TRIM66: variants seen among roughly 807,000 people sequenced by gnomAD.
TRIM66 encodes the protein tripartite motif-containing protein 66.
In TRIM66, 99 loss-of-function variants were observed where a neutral mutation model predicts 148.2. The ratio of observed to expected loss-of-function variants is 0.67; its 90% CI spans 0.57 to 0.79. The LOEUF (loss-of-function observed/expected upper bound fraction) is 0.79, where lower values mean the gene tolerates loss of function less well. TRIM66 is among the 30% of genes least tolerant of loss of function. The pLI is 0.00. For synonymous variants in TRIM66, 616 were observed against 635.9 expected, an observed-to-expected ratio of 0.97 and a Z score of 0.47; for missense variants, 1,666 against 1,697.9, an observed-to-expected ratio of 0.98 and a Z score of 0.33.
At chr11:8,658,931 C>T in intron 6 of TRIM66, 6 of 424,888 alleles carry the variant, frequency 1.4e-5, no homozygotes, top group Non-Finnish European at 1.9e-5. Flanking sequence ...CCGTCACAAG[C>T]AGAGGATTAG....
At chr11:8,659,864 T>C (rs1050546785) in intron 6 of TRIM66, among the ~76,000 whole-genome samples, 3 of 152,218 alleles carry the variant, frequency 2.0e-5, no homozygotes, top group Middle Eastern at 3.4e-3. Context: ...CTGAATTTGT[T>C]TTTTTCTTGT....
intron 16 of TRIM66, 63 bp from the exon 17 acceptor site, chr11:8,624,614 C>A: frequency 6.7e-7 from 1 of 1,488,050 alleles, no homozygotes; most frequent in African/African-American, 1.4e-5. Flanking sequence ...TTAGTGGTCT[C>A]AGAACTGTTA....
chr11:8,666,822 T>C (rs989975945), intron 6 of TRIM66, among the ~76,000 whole-genome samples: 1 of 152,192 alleles, frequency 6.6e-6, no homozygotes, highest in Non-Finnish European at 1.5e-5. Flanking sequence ...GTCATACATA[T>C]AGACAGAGAT....
chr11:8,656,261 TTAATA>T (rs996545640), intron 6 of TRIM66, among the ~76,000 whole-genome samples: 2 of 152,250 alleles, frequency 1.3e-5, no homozygotes, highest in African/African-American at 4.8e-5. Flanking sequence ...TTAACAATAT[TTAATA>T]TTAGTTTAGT....
chr11:8,679,475 C>G (rs532099228), intron 3 of TRIM66, 145 bp downstream of exon 3: 1 of 152,752 alleles, frequency 6.5e-6, no homozygotes, highest in Non-Finnish European at 1.5e-5. Flanking sequence ...CCTCTATAAC[C>G]AAGGAACCTG....
At chr11:8,642,730 A>G (rs1365305030) in intron 13 of TRIM66, among the ~76,000 whole-genome samples, 3 of 151,462 alleles carry the variant, frequency 2.0e-5, no homozygotes, top group Non-Finnish European at 4.4e-5. Context: ...CAGCAATAAA[A>G]CCAATGTAAC....
chr11:8,641,173 G>C (rs771329268), intron 13 of TRIM66, 21 bp from the exon 14 acceptor site: 75 of 1,530,830 alleles, frequency 4.9e-5, no homozygotes, highest in Non-Finnish European at 6.4e-5. Flanking sequence ...AGAATAGAGA[G>C]TTTTTCAAAA....
chr11:8,640,600 C>A lies in TRIM66; in HGVS notation c.1775G>T (p.Ser592Ile). The change falls in exon 14 of 25, where the codon AGT (serine) becomes ATT (isoleucine). Residue 592 changes from serine to isoleucine, a missense_variant. Ser to Ile is a moderately radical substitution (Grantham distance 142, BLOSUM62 -2). Transcript: ENST00000646038. ...CTGCTGTGGCTGCTGCTGAAAGTGA[C>A]TGAGCTTCAGCTTCTGGTGGTGGCC... ...QFGHHQKLKL[S>I]HFQQQPQQQL... The A allele has an allele frequency of 6.4e-7, 1 of 1,551,370 alleles. No homozygotes were observed. The highest frequency in any genetic ancestry group is 8.7e-7 in the Non-Finnish European group (1 of 1,146,948).
intron 19 of TRIM66, 21 bp from the exon 20 acceptor site, chr11:8,621,342 G>T: frequency 6.5e-7 from 1 of 1,543,204 alleles, no homozygotes. Context: ...AAGTAAGTCT[G>T]GGCAGCCAGA....
rs2036286397 is a variant in TRIM66, at chr11:8,640,557, T to A, written c.1818A>T (p.Pro606=). Residue 606 remains proline (P), a synonymous_variant, in exon 14 of 25, where the codon CCA becomes CCT. Coordinates refer to ENST00000646038, the MANE Select transcript of TRIM66 (RefSeq NM_001388022.1). ...QQPQQQLPPP[P]PPLPHPPPPL... The stretch of plus-strand genomic sequence containing the variant: ...GAGGTGGGGGATGGGGGAGGGGTGG[T>A]GGTGGAGGTGGTAGCTGCTGCTGTG... 1.3e-6 allele frequency: 2 copies of A among 1,488,654 alleles called. No individual in the cohort carries two copies. The highest frequency in any genetic ancestry group is 2.0e-5 in the Admixed American group (1 of 49,528). The allele number at this position is 1,488,654 out of a possible 1,614,324, so 92.2% of individuals were successfully genotyped here. A position where few individuals can be genotyped will look rare whatever the true frequency, so the allele number is the denominator to read the frequency against.
chr11:8,664,495 C>A (rs2038465319), intron 6 of TRIM66, among the ~76,000 whole-genome samples: 3 of 152,108 alleles, frequency 2.0e-5, no homozygotes, highest in Admixed American at 6.6e-5. Flanking sequence ...ATAAATATCC[C>A]AATCCTCATA....
At chr11:8,642,913 C>G in intron 13 of TRIM66, 96 bp downstream of exon 13, 1 of 409,498 alleles carries the variant, frequency 2.4e-6, no homozygotes, top group Non-Finnish European at 3.9e-6. Flanking sequence ...CCAGAGAGTG[C>G]TTTCTCTTGG....
chr11:8,676,929 A>G (rs1399896993), intron 3 of TRIM66, among the ~76,000 whole-genome samples: 2 of 152,210 alleles, frequency 1.3e-5, no homozygotes, highest in Non-Finnish European at 2.9e-5. Context: ...AAAACCCAGG[A>G]AATTATTTTT....
At position 8,624,886 on chromosome 11, in the gene TRIM66, T is replaced by G; in HGVS notation, c.2653A>C (p.Met885Leu). ...SDHPQAGPSL[M>L]SGHTQAVPSL... ...GGCACAGCCTGGGTGTGACCAGACA[T>G]TAGGCTGGGCCCAGCCTGAGGGTGA... Residue 885 changes from methionine to leucine, a missense_variant, in exon 16 of 25, where the codon ATG (methionine) becomes CTG (leucine). Coordinates refer to ENST00000646038, the MANE Select transcript of TRIM66 (RefSeq NM_001388022.1). 6.4e-7 allele frequency: 1 copy of G among 1,551,558 alleles called. No homozygotes were observed. The highest frequency in any genetic ancestry group is 1.4e-5 in the African/African-American group (1 of 73,168).
At chr11:8,643,156 G>T in intron 12 of TRIM66, 30 bp from the exon 13 acceptor site, 1 of 1,537,512 alleles carries the variant, frequency 6.5e-7, no homozygotes, top group South Asian at 1.2e-5. Flanking sequence ...TCATTTATTT[G>T]GGCATCTTGC....
At position 8,662,731 on chromosome 11, in the gene TRIM66, T is replaced by C. The variant is rs1592180241; in HGVS notation, c.340+9055A>G. ...AAAGTCTTCCAGCCATGATTTGTCT[T>C]TTAATTGATTTGAAGAGAAACAATA... On this transcript the variant is annotated intron_variant, in intron 6 of 24. Transcript: ENST00000646038. 2.0e-5 allele frequency among the ~76,000 whole-genome samples: 3 copies of C among 152,370 alleles called. No homozygotes were observed. The East Asian group carries it at 5.8e-4, about 29-fold the overall frequency.
In TRIM66 at chr11:8,649,849, G is replaced by A; in HGVS notation, c.483C>T (p.Ile161=). The change falls in exon 8 of 25, where the codon ATC becomes ATT. Residue 161 remains isoleucine (I), a synonymous_variant. Coordinates refer to ENST00000646038, the MANE Select transcript of TRIM66 (RefSeq NM_001388022.1). ...GCCAGCGATTGCAGTAGGTGCAGAGGATATGTGCTGCCCTCTTCTCCTTGC... is the reference window on the plus strand; with the variant it reads ...GCCAGCGATTGCAGTAGGTGCAGAGAATATGTGCTGCCCTCTTCTCCTTGC... ...SECKEKRAAH[I]LCTYCNRWLC... The A allele has an allele frequency of 1.9e-6, 3 of 1,551,718 alleles. No individual in the cohort carries two copies. Among genetic ancestry groups the A allele is most frequent in the Non-Finnish European group, 2.6e-6 (3 of 1,147,004 alleles).
chr11:8,660,739 C>T (rs983428540), intron 6 of TRIM66, among the ~76,000 whole-genome samples: 2 of 152,232 alleles, frequency 1.3e-5, no homozygotes, highest in African/African-American at 4.8e-5. Flanking sequence ...TCCAAGCCCA[C>T]GTCCATCTTT....
At chr11:8,630,913 G>A (rs1736980120) in intron 15 of TRIM66, among the ~76,000 whole-genome samples, 2 of 152,074 alleles carry the variant, frequency 1.3e-5, no homozygotes, top group African/African-American at 2.4e-5. Context: ...ATGTGACCCT[G>A]CACCCATCTA....
Sources: gnomAD v4.1 joint callset for allele counts (sites outside exome capture counted in the v4.1 genomes callset) on GRCh38, gnomAD v4.1.1 for gene constraint, MANE v1.5 for transcripts, NCBI Gene and HGNC (gene_info 2026-07-23, HGNC 2026-07-21) for gene names.